AR: variants seen among roughly 807,000 people sequenced by gnomAD.
AR encodes dihydrotestosterone receptor.
In AR, 8 loss-of-function variants were observed where a neutral mutation model predicts 53.9. The observed-to-expected ratio is 0.15, with a 90% CI of 0.09 to 0.27. The LOEUF (loss-of-function observed/expected upper bound fraction) is 0.27. Ranked by LOEUF, AR falls within the 10% of genes least tolerant of loss-of-function variation. AR has a pLI of 1.00. For synonymous variants in AR, 359 were observed against 316.4 expected, an observed-to-expected ratio of 1.13 and a Z score of -1.43; for missense variants, 639 against 742.5, an observed-to-expected ratio of 0.86 and a Z score of 1.62.
At chrX:67,646,121 T>C (rs939601471) in intron 2 of AR, among the ~76,000 whole-genome samples, 2 of 112,028 alleles carry the variant, frequency 1.8e-5, no homozygotes, top group Admixed American at 1.9e-4. Context: ...ATCTCTGGAA[T>C]GGGCATAGGT....
chrX:67,649,070 T>A (rs1480422887), intron 2 of AR, among the ~76,000 whole-genome samples: 1 of 111,330 alleles, frequency 9.0e-6, no homozygotes, highest in African/African-American at 3.3e-5. Flanking sequence ...TTCCCCTCCC[T>A]GTGTCCATGT....
intron 2 of AR, among the ~76,000 whole-genome samples, chrX:67,651,089 G>C (rs1926316211): frequency 9.2e-6 from 1 of 108,474 alleles, no homozygotes; most frequent in Non-Finnish European, 1.9e-5. Flanking sequence ...CACCCAGGCT[G>C]GAGTGCAGTG....
chrX:67,632,371 C>T (rs1358448288), intron 1 of AR, among the ~76,000 whole-genome samples: 24 of 112,375 alleles, frequency 2.1e-4, no homozygotes, highest in African/African-American at 5.2e-4. Flanking sequence ...GTCAGAAAAA[C>T]GCAGTATTTG....
At chrX:67,630,014 A>T (rs1296328904) in intron 1 of AR, among the ~76,000 whole-genome samples, 1 of 110,939 alleles carries the variant, frequency 9.0e-6, no homozygotes, top group Non-Finnish European at 1.9e-5. Flanking sequence ...AGTTTGTTAT[A>T]ATTTCTGTTC....
At chrX:67,593,112 C>A (rs1405355669) in intron 1 of AR, among the ~76,000 whole-genome samples, 1 of 111,448 alleles carries the variant, frequency 9.0e-6, no homozygotes, top group African/African-American at 3.3e-5. Context: ...GTTAACATTA[C>A]TGTTTTACTC....
chrX:67,595,804 A>AC (rs1232251037), intron 1 of AR, among the ~76,000 whole-genome samples: 1 of 111,060 alleles, frequency 9.0e-6, no homozygotes, highest in Non-Finnish European at 1.9e-5. Flanking sequence ...ACAAAGTGAG[A>AC]CCCCATCTCC....
chrX:67,564,711 C>G (rs768597161), intron 1 of AR, among the ~76,000 whole-genome samples: 2 of 111,563 alleles, frequency 1.8e-5, no homozygotes, highest in Non-Finnish European at 3.8e-5. Context: ...TCATTTAATT[C>G]TTTTCTTTTC....
At chrX:67,637,957 T>C (rs776856820) in intron 1 of AR, among the ~76,000 whole-genome samples, 5 of 111,305 alleles carry the variant, frequency 4.5e-5, no homozygotes, top group African/African-American at 1.6e-4. Flanking sequence ...ATATTTCTCC[T>C]AATGCTATTC....
chrX:67,709,163 A>C (rs990481631), intron 3 of AR, among the ~76,000 whole-genome samples: 1 of 111,678 alleles, frequency 9.0e-6, no homozygotes, highest in Non-Finnish European at 1.9e-5. Flanking sequence ...ACTCTCTTCA[A>C]AGCTGTCAGA....
chrX:67,617,024 C>T (rs142441462), intron 1 of AR, among the ~76,000 whole-genome samples: 98 of 111,452 alleles, frequency 8.8e-4, no homozygotes, highest in African/African-American at 2.9e-3. Flanking sequence ...AAACTAGTAC[C>T]GGGAGCAAGG....
Position 67,725,279 on chromosome X carries a change from A to C in AR, c.*1438A>C, listed in dbSNP as rs1337171428. The C allele has an allele frequency of 5.8e-6, 1 of 172,670 alleles. No individual in the cohort carries two copies. Among genetic ancestry groups the C allele is most frequent in the Non-Finnish European group, 1.1e-5 (1 of 90,983 alleles). 14.2% of individuals were successfully genotyped at this position (172,670 alleles called of 1,213,427 possible). ...CAGTAGTCACAAAGATTTCTTACCAACTCTCAGATCGCTGGAGCCCTTAGA... is the reference window on the plus strand; with the variant it reads ...CAGTAGTCACAAAGATTTCTTACCACCTCTCAGATCGCTGGAGCCCTTAGA... On this transcript the variant is annotated 3_prime_UTR_variant, in exon 8 of 8. Transcript: ENST00000374690.
chrX:67,545,778 C>T lies in AR; in HGVS notation c.632C>T (p.Ala211Val), dbSNP rs370893700. 6 of 1,210,431 alleles carry T rather than the reference C, an allele frequency of 5.0e-6. No homozygotes were observed. The African/African-American group carries it at 1.0e-4, about 21-fold the overall frequency. ...TCCGAAGGCAGCAGCAGCGGGAGAGCGAGGGAGGCCTCGGGGGCTCCCACT... is the reference window on the plus strand; with the variant it reads ...TCCGAAGGCAGCAGCAGCGGGAGAGTGAGGGAGGCCTCGGGGGCTCCCACT... ...AVSEGSSSGR[A>V]REASGAPTSS... The change falls in exon 1 of 8, where the codon GCG becomes GTG. Residue 211 changes from alanine (A) to valine (V), a missense_variant. This residue lies in a region of AR where 423 missense variants were observed against 377.0 expected (regional missense o/e 1.12). Transcript: ENST00000374690.
intron 1 of AR, among the ~76,000 whole-genome samples, chrX:67,585,458 C>T (rs976508180): frequency 4.5e-5 from 5 of 111,327 alleles, no homozygotes; most frequent in East Asian, 2.8e-4. Context: ...TATCAACTAC[C>T]TCAGCTCTAT....
intron 1 of AR, among the ~76,000 whole-genome samples, chrX:67,568,444 C>G (rs1921652301): frequency 9.0e-6 from 1 of 111,453 alleles, no homozygotes; most frequent in South Asian, 3.8e-4. Context: ...GATTGGAAAT[C>G]GAGGGCTTCT....
Position 67,545,614 on chromosome X carries a change from T to A in AR, c.468T>A (p.Asp156Glu), listed in dbSNP as rs1362849008. The change falls in exon 1 of 8, where the codon GAT becomes GAA. Residue 156 changes from aspartate to glutamate, a missense_variant. By Grantham distance (45) the Asp-to-Glu change is conservative. This residue lies in a region of AR where 423 missense variants were observed against 377.0 expected (regional missense o/e 1.12). Coordinates refer to ENST00000374690, the MANE Select transcript of AR (RefSeq NM_000044.6). ...AGCTGCCAGCACCTCCGGACGAGGATGACTCAGCTGCCCCATCCACGTTGT... is the reference window on the plus strand; with the variant it reads ...AGCTGCCAGCACCTCCGGACGAGGAAGACTCAGCTGCCCCATCCACGTTGT... ...PQQLPAPPDE[D>E]DSAAPSTLSL... 8.4e-7 allele frequency: 1 copy of A among 1,189,692 alleles called. No individual in the cohort carries two copies.
rs1174088397 is a variant in AR, at chrX:67,545,802, C to T, written c.656C>T (p.Thr219Ile). 1 of 1,212,305 alleles carries T rather than the reference C, an allele frequency of 8.2e-7. No individual in the cohort carries two copies. Among genetic ancestry groups the T allele is most frequent in the Non-Finnish European group, 1.1e-6 (1 of 895,608 alleles). Reference sequence around the variant, plus strand: ...GCGAGGGAGGCCTCGGGGGCTCCCACTTCCTCCAAGGACAATTACTTAGGG... The same window carrying T: ...GCGAGGGAGGCCTCGGGGGCTCCCATTTCCTCCAAGGACAATTACTTAGGG... Reference protein sequence around the residue: ...GRAREASGAPTSSKDNYLGGT... With the variant: ...GRAREASGAPISSKDNYLGGT... The change falls in exon 1 of 8, where the codon ACT (threonine) becomes ATT (isoleucine). Residue 219 changes from threonine (T) to isoleucine (I), a missense_variant. Coordinates refer to ENST00000374690, the MANE Select transcript of AR (RefSeq NM_000044.6).
chrX:67,676,552 A>G (rs2075901273), intron 2 of AR, among the ~76,000 whole-genome samples: 2 of 111,930 alleles, frequency 1.8e-5, no homozygotes, highest in Admixed American at 9.5e-5. Context: ...CCTTCCCATA[A>G]CAGCTTATCT....
At chrX:67,631,295 G>T (rs1353524188) in intron 1 of AR, among the ~76,000 whole-genome samples, 1 of 111,335 alleles carries the variant, frequency 9.0e-6, no homozygotes, top group African/African-American at 3.3e-5. Context: ...CATAGATTTG[G>T]TCTTTTCCCA....
intron 1 of AR, among the ~76,000 whole-genome samples, chrX:67,623,635 A>G (rs1924479002): frequency 9.0e-6 from 1 of 111,233 alleles, no homozygotes; most frequent in Non-Finnish European, 1.9e-5. Flanking sequence ...AGACTAATAA[A>G]GACTAAAAGG....
Sources: gnomAD v4.1 joint callset for allele counts (sites outside exome capture counted in the v4.1 genomes callset) on GRCh38, gnomAD v4.1.1 for gene constraint, gnomAD v4.1.1 regional missense constraint, MANE v1.5 for transcripts, NCBI Gene and HGNC (gene_info 2026-07-23, HGNC 2026-07-21) for gene names.